TMEM232: variants seen among roughly 807,000 people sequenced by gnomAD.
TMEM232 encodes transmembrane protein 232.
Under a neutral mutation model 78.8 loss-of-function variants are expected in TMEM232, and 80 were observed. The observed-to-expected ratio is 1.01, with a 90% CI of 0.85 to 1.22. TMEM232 has a LOEUF of 1.22. TMEM232 is among the 50% of genes most tolerant of loss of function. The probability of loss-of-function intolerance (pLI) is 0.00; values close to 1 mark genes in which losing one functional copy is unlikely to be tolerated. For synonymous variants in TMEM232, 297 were observed against 254.3 expected (o/e 1.17, Z -1.60); for missense variants, 881 against 742.2 (o/e 1.19, Z -2.17).
At chr5:110,440,240 T>C (rs1758881751) in intron 12 of TMEM232, among the ~76,000 whole-genome samples, 1 of 152,168 alleles carries the variant, frequency 6.6e-6, no homozygotes, top group East Asian at 1.9e-4. Flanking sequence ...AACTTCTATT[T>C]TTAATATGTT....
At chr5:110,395,663 G>A (rs761379621) in intron 3 of TMEM232, among the ~76,000 whole-genome samples, 4 of 152,138 alleles carry the variant, frequency 2.6e-5, no homozygotes, top group Non-Finnish European at 4.4e-5. Context: ...ACTCTTTATA[G>A]CATTCTACAT....
intron 1 of TMEM232, among the ~76,000 whole-genome samples, chr5:110,721,654 CAT>C (rs1491175912): frequency 0.066 from 651 of 9,888 alleles, 8 homozygotes; most frequent in African/African-American, 0.12. Context: ...GTCTGCATAT[CAT>C]GTGTGTGTGT....
intron 12 of TMEM232, among the ~76,000 whole-genome samples, chr5:110,518,540 C>T (rs1769028649): frequency 1.3e-5 from 2 of 152,212 alleles, no homozygotes; most frequent in South Asian, 4.1e-4. Context: ...TATTTCTGCA[C>T]ACAAGACTAC....
chr5:110,627,751 T>G, intron 6 of TMEM232, 30 bp downstream of exon 6: 1 of 1,343,330 alleles, frequency 7.4e-7, no homozygotes. Context: ...CATAAAACAT[T>G]TATAAGTGTA....
rs531877313 is a variant in TMEM232, at chr5:110,572,357, T to C, written c.1277-3732A>G. On this transcript the variant is annotated intron_variant, in intron 10 of 13. Coordinates refer to ENST00000455884, the MANE Select transcript of TMEM232 (RefSeq NM_001039763.4). ...AAGTCAATATAAGTAAGGAAACACATTATTTTTTAAGTTAATAATTCTGGA... is the reference window on the plus strand; with the variant it reads ...AAGTCAATATAAGTAAGGAAACACACTATTTTTTAAGTTAATAATTCTGGA... Among the ~76,000 whole-genome samples, 3 of 152,120 alleles carry C rather than the reference T, an allele frequency of 2.0e-5. No individual in the cohort carries two copies. The East Asian group carries it at 5.8e-4, about 30-fold the overall frequency.
At position 110,422,519 on chromosome 5, in the gene TMEM232, C is replaced by CAAAAA. The variant is rs34448955; in HGVS notation, c.1798-1768_1798-1764dup. 1.3e-3 allele frequency among the ~76,000 whole-genome samples: 45 copies of CAAAAA among 34,552 alleles called. 2 individuals are homozygous for CAAAAA. The highest frequency in any genetic ancestry group is 3.5e-3 in the African/African-American group (39 of 11,242). The allele number at this position is 34,552 out of a possible 152,430, so 22.7% of individuals were successfully genotyped here. On this transcript the variant is annotated intron_variant, in intron 13 of 13. Transcript: ENST00000455884. Reference sequence around the variant, plus strand: ...TGGGCCACAGAGCGAGACTCTGTCTCAAAAAAAAAAAAAAAAAAAAAAAAA... The same window carrying CAAAAA: ...TGGGCCACAGAGCGAGACTCTGTCTCAAAAAAAAAAAAAAAAAAAAAAAAAAAAAA...
intron 12 of TMEM232, among the ~76,000 whole-genome samples, chr5:110,467,780 A>C (rs1348791825): frequency 6.6e-6 from 1 of 152,238 alleles, no homozygotes; most frequent in Non-Finnish European, 1.5e-5. Flanking sequence ...TCTGGAAGCT[A>C]GAATTCCATG....
At chr5:110,671,833 G>A (rs1791388088) in intron 1 of TMEM232, among the ~76,000 whole-genome samples, 1 of 152,052 alleles carries the variant, frequency 6.6e-6, no homozygotes, top group South Asian at 2.1e-4. Context: ...ACCATGGCAT[G>A]TACATACCTA....
chr5:110,404,354 T>C (rs1453545567), intron 2 of TMEM232, among the ~76,000 whole-genome samples: 1 of 151,982 alleles, frequency 6.6e-6, no homozygotes, highest in Non-Finnish European at 1.5e-5. Flanking sequence ...GAGAAAGGAG[T>C]AGAAGGTGGC....
chr5:110,654,079 C>T (rs934979695), intron 2 of TMEM232, among the ~76,000 whole-genome samples: 48 of 152,210 alleles, frequency 3.2e-4, no homozygotes, highest in Non-Finnish European at 4.9e-4. Context: ...GGAATTGAGA[C>T]GTATATATAA....
At chr5:110,675,314 G>A (rs1791891333) in intron 1 of TMEM232, among the ~76,000 whole-genome samples, 1 of 152,024 alleles carries the variant, frequency 6.6e-6, no homozygotes, top group South Asian at 2.1e-4. Flanking sequence ...CAAAGTGCTG[G>A]GATTACAGGC....
chr5:110,653,331 A>T (rs1259546010), intron 2 of TMEM232, among the ~76,000 whole-genome samples: 1 of 152,222 alleles, frequency 6.6e-6, no homozygotes, highest in East Asian at 1.9e-4. Context: ...AACAGTGAAA[A>T]AATCTTGCAG....
chr5:110,719,196 T>C (rs1797331098), intron 1 of TMEM232, among the ~76,000 whole-genome samples: 1 of 151,842 alleles, frequency 6.6e-6, no homozygotes, highest in Admixed American at 6.6e-5. Flanking sequence ...CATGTATATA[T>C]GTATATATAT....
chr5:110,509,745 G>T (rs1166421873), intron 12 of TMEM232, among the ~76,000 whole-genome samples: 1 of 152,070 alleles, frequency 6.6e-6, no homozygotes, highest in Non-Finnish European at 1.5e-5. Flanking sequence ...ATATGGGAAT[G>T]ACTCCTGTTG....
At chr5:110,699,889 T>C (rs1020368437) in intron 1 of TMEM232, among the ~76,000 whole-genome samples, 3 of 152,076 alleles carry the variant, frequency 2.0e-5, no homozygotes, top group East Asian at 3.9e-4. Flanking sequence ...AATTCAGAGA[T>C]AGTGCTAAGG....
At chr5:110,488,204 C>T (rs1764673326) in intron 12 of TMEM232, among the ~76,000 whole-genome samples, 1 of 152,030 alleles carries the variant, frequency 6.6e-6, no homozygotes, top group South Asian at 2.1e-4. Context: ...TTAATATCTC[C>T]TGTTTTGTTT....
At chr5:110,657,411 T>C (rs373526998) in intron 2 of TMEM232, among the ~76,000 whole-genome samples, 1 of 92,326 alleles carries the variant, frequency 1.1e-5, no homozygotes, top group South Asian at 3.5e-4. Context: ...GTGTGTGTAG[T>C]AGAATACTAT....
At chr5:110,522,293 C>A (rs1371556371) in intron 12 of TMEM232, among the ~76,000 whole-genome samples, 1 of 152,058 alleles carries the variant, frequency 6.6e-6, no homozygotes, top group Non-Finnish European at 1.5e-5. Flanking sequence ...TTACTGAATT[C>A]ATTTATTACT....
intron 1 of TMEM232, among the ~76,000 whole-genome samples, chr5:110,689,444 C>T (rs1463894088): frequency 6.6e-6 from 1 of 151,992 alleles, no homozygotes; most frequent in South Asian, 2.1e-4. Context: ...GTAATCAACA[C>T]AAAACACTAA....
Sources: gnomAD v4.1 joint callset for allele counts (sites outside exome capture counted in the v4.1 genomes callset) on GRCh38, gnomAD v4.1.1 for gene constraint, MANE v1.5 for transcripts, NCBI Gene and HGNC (gene_info 2026-07-23, HGNC 2026-07-21) for gene names.